SOS1: variants seen among roughly 807,000 people sequenced by gnomAD.
SOS1 encodes the protein SOS Ras/Rac guanine nucleotide exchange factor 1.
Under a neutral mutation model 157.6 loss-of-function variants are expected in SOS1, and 25 were observed. That is an observed-to-expected ratio of 0.16 (90% CI 0.12 to 0.22). The LOEUF is 0.22. Among genes scored for constraint, SOS1 ranks in the 10% least tolerant of loss-of-function variants. The pLI, the probability that SOS1 is intolerant of heterozygous loss-of-function variation, is 1.00. For synonymous variants in SOS1, 528 were observed against 534.0 expected (o/e 0.99, Z 0.16); for missense variants, 1,237 against 1,599.1 (o/e 0.77, Z 3.86).
At chr2:39,022,541 A>G in intron 10 of SOS1, 29 bp downstream of exon 10, 1 of 1,587,416 alleles carries the variant, frequency 6.3e-7, no homozygotes, top group East Asian at 2.2e-5. Context: ...CAGGAAAACA[A>G]AAGTGACAGG....
rs966457121 is a variant in SOS1, at chr2:39,058,484, A to T, written c.345+189T>A. 7.2e-4 allele frequency among the ~76,000 whole-genome samples: 109 copies of T among 152,086 alleles called. 1 individual carries two copies. The highest frequency in any genetic ancestry group is 7.9e-4 in the Non-Finnish European group (54 of 67,934). On this transcript the variant is annotated intron_variant, in intron 3 of 22. Transcript: ENST00000402219. ...TATTGATATGAAATTACTTTAAATC[A>T]TGTTGCCCAGTTTATATTTTCTTAT...
intron 1 of SOS1, among the ~76,000 whole-genome samples, chr2:39,110,032 G>T (rs900917177): frequency 7.9e-6 from 1 of 125,932 alleles, no homozygotes; most frequent in Admixed American, 8.3e-5. Flanking sequence ...ACAGTTGTGT[G>T]TGTGTGCGTG....
Position 39,109,093 on chromosome 2 carries a change from G to C in SOS1, c.87+11243C>G, listed in dbSNP as rs536834148. On this transcript the variant is annotated intron_variant, in intron 1 of 22. Transcript: ENST00000402219. ...ATGTGTCTGCTGTCCTACCTACTCAGAAGGCTAAGGTGGGAGGATTGCTGG... is the reference window on the plus strand; with the variant it reads ...ATGTGTCTGCTGTCCTACCTACTCACAAGGCTAAGGTGGGAGGATTGCTGG... 1.0e-3 allele frequency among the ~76,000 whole-genome samples: 155 copies of C among 152,284 alleles called. 1 individual carries two copies. The highest frequency in any genetic ancestry group is 8.7e-3 in the Admixed American group (133 of 15,298).
At chr2:39,053,200 C>T (rs1462317295) in intron 5 of SOS1, among the ~76,000 whole-genome samples, 1 of 152,056 alleles carries the variant, frequency 6.6e-6, no homozygotes, top group African/African-American at 2.4e-5. Flanking sequence ...CCAAAATATA[C>T]TAGTTTACTT....
At chr2:39,012,833 G>C (rs926327067) in intron 13 of SOS1, among the ~76,000 whole-genome samples, 31 of 152,024 alleles carry the variant, frequency 2.0e-4, no homozygotes, top group African/African-American at 7.2e-4. Flanking sequence ...GTTTTATATT[G>C]TACATGAAAG....
intron 1 of SOS1, among the ~76,000 whole-genome samples, chr2:39,089,066 T>C (rs1303884302): frequency 2.0e-5 from 3 of 152,204 alleles, no homozygotes; most frequent in African/African-American, 7.2e-5. Flanking sequence ...ATTTCGCTAA[T>C]GATGAGTGTG....
chr2:39,096,778 C>T (rs911533042), intron 1 of SOS1, among the ~76,000 whole-genome samples: 6 of 151,546 alleles, frequency 4.0e-5, no homozygotes, highest in Non-Finnish European at 7.4e-5. Context: ...CCCAGCTACT[C>T]GGGAGGCTGA....
At chr2:39,114,062 G>T (rs1673546455) in intron 1 of SOS1, among the ~76,000 whole-genome samples, 1 of 151,958 alleles carries the variant, frequency 6.6e-6, no homozygotes, top group Non-Finnish European at 1.5e-5. Context: ...CTATAGCCTG[G>T]TATGATCAAT....
intron 1 of SOS1, among the ~76,000 whole-genome samples, chr2:39,111,232 CA>C (rs577025319): frequency 8.0e-5 from 12 of 149,350 alleles, no homozygotes; most frequent in Non-Finnish European, 3.0e-5. Flanking sequence ...GACTCCATCT[CA>C]AAAAAAAATA....
intron 1 of SOS1, among the ~76,000 whole-genome samples, chr2:39,094,020 A>G (rs1017220761): frequency 3.7e-4 from 57 of 152,308 alleles, no homozygotes; most frequent in Middle Eastern, 6.8e-3. Context: ...TTCTTCATAT[A>G]TTTCAACTAA....
intron 1 of SOS1, among the ~76,000 whole-genome samples, chr2:39,117,199 T>G (rs1325751068): frequency 6.6e-6 from 1 of 152,096 alleles, no homozygotes; most frequent in Non-Finnish European, 1.5e-5. Flanking sequence ...AGGCTAATTT[T>G]TGTATTTTTT....
chr2:39,033,073 C>CTT (rs775332046), intron 8 of SOS1, among the ~76,000 whole-genome samples: 4 of 142,234 alleles, frequency 2.8e-5, no homozygotes, highest in African/African-American at 1.0e-4. Flanking sequence ...TCTTTTTCTT[C>CTT]TTTTTTTTTT....
chr2:38,985,926 T>G lies in SOS1; in HGVS notation c.3900A>C (p.Gln1300His). 2 of 1,613,960 alleles carry G rather than the reference T, an allele frequency of 1.2e-6. No individual in the cohort carries two copies. Among genetic ancestry groups the G allele is most frequent in the Non-Finnish European group, 8.5e-7 (1 of 1,179,886 alleles). The stretch of plus-strand genomic sequence containing the variant: ...TTTTTGGAGGGAGTTTAGGGATATG[T>G]TGAGAAGTGCTTTGTCGTGGAGGAA... ...PPVPPRQSTS[Q>H]HIPKLPPKTY... The change falls in exon 23 of 23, where the codon CAA becomes CAC. Residue 1300 changes from glutamine to histidine, a missense_variant. Physicochemically the swap from Gln to His is conservative, Grantham distance 24. This residue lies in a region of SOS1 where 306 missense variants were observed against 322.6 expected (regional missense o/e 0.95). Transcript: ENST00000402219.
At chr2:39,064,807 G>C (rs1472095210) in intron 2 of SOS1, among the ~76,000 whole-genome samples, 2 of 117,074 alleles carry the variant, frequency 1.7e-5, no homozygotes, top group Non-Finnish European at 3.2e-5. Context: ...GGAGTACAGT[G>C]GTGCAATCTT....
In SOS1 at chr2:39,073,394, G is replaced by T. The variant is rs943024419; in HGVS notation, c.88-5641C>A. Reference sequence around the variant, plus strand: ...TTTTATACTTATGTTTACTGACACAGAAAATTTCATATACTTCTTTATATT... The same window carrying T: ...TTTTATACTTATGTTTACTGACACATAAAATTTCATATACTTCTTTATATT... On this transcript the variant is annotated intron_variant, in intron 1 of 22. Coordinates refer to ENST00000402219, the MANE Select transcript of SOS1 (RefSeq NM_005633.4). 2.6e-5 allele frequency among the ~76,000 whole-genome samples: 4 copies of T among 152,298 alleles called. No homozygotes were observed. In the South Asian group the frequency reaches 8.3e-4, roughly 32 times the overall value.
chr2:39,011,845 C>T (rs1436081501), intron 14 of SOS1, among the ~76,000 whole-genome samples: 5 of 152,082 alleles, frequency 3.3e-5, no homozygotes, highest in East Asian at 3.9e-4. Context: ...TAAAGTCACA[C>T]AAGGAGGTTA....
At chr2:39,045,843 G>T (rs1323657012) in intron 6 of SOS1, among the ~76,000 whole-genome samples, 2 of 152,002 alleles carry the variant, frequency 1.3e-5, no homozygotes, top group Non-Finnish European at 2.9e-5. Flanking sequence ...TGTGTATCTG[G>T]GATTACAGGT....
chr2:39,014,694 G>T, intron 11 of SOS1, 71 bp downstream of exon 11: 1 of 812,382 alleles, frequency 1.2e-6, no homozygotes. Flanking sequence ...TAACATTTCT[G>T]AAAAGGATCT....
At chr2:39,067,602 T>C (rs375876293) in intron 2 of SOS1, 26 bp downstream of exon 2, 10 of 1,606,122 alleles carry the variant, frequency 6.2e-6, no homozygotes, top group African/African-American at 1.3e-5. Flanking sequence ...AGATATAAAG[T>C]AAATACAAGA....
Sources: gnomAD v4.1 joint callset for allele counts (sites outside exome capture counted in the v4.1 genomes callset) on GRCh38, gnomAD v4.1.1 for gene constraint, gnomAD v4.1.1 regional missense constraint, MANE v1.5 for transcripts, NCBI Gene and HGNC (gene_info 2026-07-23, HGNC 2026-07-21) for gene names.